Variants in GAS7 observed in about 807,000 individuals in gnomAD.
GAS7 encodes the protein growth arrest-specific protein 7.
A neutral mutation model predicts 71.1 loss-of-function variants in GAS7; 28 were observed. The observed-to-expected ratio is 0.39, with a 90% CI of 0.29 to 0.54. The LOEUF is 0.54. Ranked by LOEUF, GAS7 falls within the 20% of genes least tolerant of loss-of-function variation. The pLI, the probability that GAS7 is intolerant of heterozygous loss-of-function variation, is 0.62. For missense variants in GAS7, 436 were observed against 627.8 expected, an observed-to-expected ratio of 0.69 and a Z score of 3.27; for synonymous variants, 258 against 245.8, an observed-to-expected ratio of 1.05 and a Z score of -0.46.
At chr17:10,016,615 AAAAAAAAAAC>A (rs1418253941) in intron 2 of GAS7, among the ~76,000 whole-genome samples, 3 of 147,240 alleles carry the variant, frequency 2.0e-5, no homozygotes, top group African/African-American at 7.5e-5. Context: ...AAAAAAAAAA[AAAAAAAAAAC>A]AAAACAAAAA....
chr17:9,997,096 TG>T (rs2071077959), intron 2 of GAS7, among the ~76,000 whole-genome samples: 1 of 151,982 alleles, frequency 6.6e-6, no homozygotes, highest in Non-Finnish European at 1.5e-5. Context: ...GGTAAAGAGG[TG>T]CTTCTCAAGG....
At position 9,959,437 on chromosome 17, in the gene GAS7, C is replaced by T; in HGVS notation, c.472-182G>A. 2 of 1,442,500 alleles carry T rather than the reference C, an allele frequency of 1.4e-6. No homozygotes were observed. Among genetic ancestry groups the T allele is most frequent in the Non-Finnish European group, 1.8e-6 (2 of 1,099,000 alleles). 89.4% of individuals were successfully genotyped at this position (1,442,500 alleles called of 1,614,324 possible). A position where few individuals can be genotyped will look rare whatever the true frequency, so the allele number is the denominator to read the frequency against. ...TCCCTGACCCCACGCTGTTCCCACG[C>T]CCAGCTCTCGGGCTGAAGGCGAATT... On this transcript the variant is annotated intron_variant, in intron 4 of 13. Coordinates refer to ENST00000432992, the MANE Select transcript of GAS7 (RefSeq NM_201433.2). The surrounding 1 kb of genome is among the most constrained non-coding windows in gnomAD (Gnocchi z 5.0).
chr17:9,930,777 C>T (rs1029926550), intron 9 of GAS7, among the ~76,000 whole-genome samples: 9 of 152,226 alleles, frequency 5.9e-5, no homozygotes, highest in African/African-American at 2.2e-4. Flanking sequence ...TCATGGCAGT[C>T]AAATACATCC....
At chr17:9,955,567 A>G (rs1018706903) in intron 5 of GAS7, among the ~76,000 whole-genome samples, 2 of 152,210 alleles carry the variant, frequency 1.3e-5, no homozygotes, top group South Asian at 4.1e-4. Context: ...AAGATCACAC[A>G]GTTTGTGCAT....
chr17:10,076,367 A>G (rs2073393729), intron 1 of GAS7, among the ~76,000 whole-genome samples: 1 of 73,470 alleles, frequency 1.4e-5, no homozygotes, highest in Non-Finnish European at 2.5e-5. Context: ...CAAGGGGGAC[A>G]GAAAAGGGGA....
chr17:10,166,923 C>A (rs2074298069), intron 1 of GAS7, among the ~76,000 whole-genome samples: 1 of 152,114 alleles, frequency 6.6e-6, no homozygotes, highest in Non-Finnish European at 1.5e-5. Context: ...AAGTCTATCA[C>A]TTGTCCTTTC....
In GAS7 at chr17:9,923,412, A is replaced by G. The variant is rs556459940; in HGVS notation, c.1138+2064T>C. The stretch of plus-strand genomic sequence containing the variant: ...AAATTACAAAGAACAAAACTAAAAG[A>G]CAAATGACAATCTAGGAAAAATATC... On this transcript the variant is annotated intron_variant, in intron 11 of 13. Coordinates refer to ENST00000432992, the MANE Select transcript of GAS7 (RefSeq NM_201433.2). 4.6e-5 allele frequency among the ~76,000 whole-genome samples: 7 copies of G among 152,260 alleles called. No homozygotes were observed. The East Asian group carries it at 1.3e-3, about 29-fold the overall frequency.
At chr17:9,996,197 T>C (rs952527881) in intron 2 of GAS7, among the ~76,000 whole-genome samples, 1 of 151,978 alleles carries the variant, frequency 6.6e-6, no homozygotes, top group Admixed American at 6.6e-5. Context: ...ATAGACTGGA[T>C]TAAGAAAATG....
chr17:10,177,237 G>C (rs57481037), intron 1 of GAS7, among the ~76,000 whole-genome samples: 1 of 151,968 alleles, frequency 6.6e-6, no homozygotes, highest in Non-Finnish European at 1.5e-5. Flanking sequence ...TCATTCCCTC[G>C]ACAGGGATGA....
chr17:10,036,459 G>T, intron 1 of GAS7: 2 of 1,613,526 alleles, frequency 1.2e-6, no homozygotes, highest in Non-Finnish European at 8.5e-7. Context: ...AACCTTCTCT[G>T]GGGGCTGCTA....
intron 2 of GAS7, among the ~76,000 whole-genome samples, chr17:10,012,203 C>G (rs1409770764): frequency 1.5e-4 from 23 of 152,154 alleles, no homozygotes. Flanking sequence ...TCTAAAAGGT[C>G]AGCATCTCTC....
intron 1 of GAS7, among the ~76,000 whole-genome samples, chr17:10,041,369 T>C (rs1170618294): frequency 1.3e-5 from 2 of 152,080 alleles, no homozygotes; most frequent in African/African-American, 4.8e-5. Flanking sequence ...CACTTTGACA[T>C]TGCATCACAC....
At chr17:10,095,602 A>G (rs1338767663) in intron 1 of GAS7, among the ~76,000 whole-genome samples, 1 of 152,132 alleles carries the variant, frequency 6.6e-6, no homozygotes, top group African/African-American at 2.4e-5. Context: ...CGGGCGGATC[A>G]CAAGGTCAGG....
chr17:10,123,016 G>A (rs2073917213), intron 1 of GAS7, among the ~76,000 whole-genome samples: 1 of 152,080 alleles, frequency 6.6e-6, no homozygotes, highest in African/African-American at 2.4e-5. Context: ...AGATTTTGAG[G>A]TGACGGGGTC....
At chr17:9,938,732 C>A (rs1290337849) in intron 8 of GAS7, among the ~76,000 whole-genome samples, 1 of 152,106 alleles carries the variant, frequency 6.6e-6, no homozygotes, top group African/African-American at 2.4e-5. Context: ...GATGAATACA[C>A]ACCCCAAAAG....
At chr17:10,191,525 C>T (rs1280565911) in intron 1 of GAS7, among the ~76,000 whole-genome samples, 1 of 144,854 alleles carries the variant, frequency 6.9e-6, no homozygotes, top group Non-Finnish European at 1.5e-5. Context: ...CACTATACTC[C>T]AGCCTGGGCA....
In GAS7 at chr17:9,937,223, GT is replaced by G. The variant is rs550094617; in HGVS notation, c.806+2902del. On this transcript the variant is annotated intron_variant, in intron 8 of 13. Coordinates refer to ENST00000432992, the MANE Select transcript of GAS7 (RefSeq NM_201433.2). ...ATGCATGTATGTGAGCTTGCGTTGT[GT>G]TTGTCTCTGTGTTTGTCCGGGCATG... 1.3e-3 allele frequency among the ~76,000 whole-genome samples: 194 copies of G among 152,338 alleles called. 1 individual carries two copies. Among genetic ancestry groups the G allele is most frequent in the Admixed American group, 3.8e-3 (58 of 15,312 alleles).
At chr17:10,156,820 G>GC (rs2142113716) in intron 1 of GAS7, among the ~76,000 whole-genome samples, 1 of 152,052 alleles carries the variant, frequency 6.6e-6, no homozygotes, top group African/African-American at 2.4e-5. Flanking sequence ...CTCTGGGCGT[G>GC]CTTCCCCATC....
Position 10,026,324 on chromosome 17 carries a change from C to T in GAS7, c.184-6427G>A, listed in dbSNP as rs991668217. On this transcript the variant is annotated intron_variant, in intron 1 of 13. Transcript: ENST00000432992. This position sits in a 1 kb window ranked among gnomAD's most constrained non-coding sequence, Gnocchi z 4.5. Reference sequence around the variant, plus strand: ...AAAAGCATATCCACAGGGCCCCACACCCCCACTCCCCCCACACCCAGATCT... The same window carrying T: ...AAAAGCATATCCACAGGGCCCCACATCCCCACTCCCCCCACACCCAGATCT... The T allele has an allele frequency of 2.0e-6, 2 of 977,550 alleles. No homozygotes were observed. The highest frequency in any genetic ancestry group is 2.4e-6 in the Non-Finnish European group (2 of 822,814). 60.6% of individuals were successfully genotyped at this position (977,550 alleles called of 1,614,324 possible).
Sources: gnomAD v4.1 joint callset for allele counts (sites outside exome capture counted in the v4.1 genomes callset) on GRCh38, gnomAD v4.1.1 for gene constraint, Gnocchi (gnomAD v3.1) non-coding constraint, MANE v1.5 for transcripts, NCBI Gene and HGNC (gene_info 2026-07-23, HGNC 2026-07-21) for gene names.